Variants in SSH2 observed in about 807,000 individuals in gnomAD.
SSH2 encodes the protein protein phosphatase Slingshot homolog 2.
In SSH2, 37 loss-of-function variants were observed where a neutral mutation model predicts 135.2. That is an observed-to-expected ratio of 0.27 (90% CI 0.21 to 0.36). The LOEUF (loss-of-function observed/expected upper bound fraction) is 0.36, where lower values mean the gene tolerates loss of function less well. Among genes scored for constraint, SSH2 ranks in the 10% least tolerant of loss-of-function variants. The probability of loss-of-function intolerance (pLI) is 1.00; values close to 1 mark genes in which losing one functional copy is unlikely to be tolerated. For synonymous variants in SSH2, 628 were observed against 646.2 expected (o/e 0.97, Z 0.43); for missense variants, 1,408 against 1,765.3 (o/e 0.80, Z 3.63).
chr17:29,904,132 T>A (rs2066610278), intron 1 of SSH2, among the ~76,000 whole-genome samples: 1 of 152,056 alleles, frequency 6.6e-6, no homozygotes, highest in African/African-American at 2.4e-5. Flanking sequence ...AAGGAAAGAC[T>A]CCTCCTTAAT....
chr17:29,655,871 A>G (rs1281395568), intron 11 of SSH2, among the ~76,000 whole-genome samples: 1 of 152,146 alleles, frequency 6.6e-6, no homozygotes, highest in Non-Finnish European at 1.5e-5. Flanking sequence ...ACAGCAGGAG[A>G]GGTGTCTTTA....
Position 29,845,610 on chromosome 17 carries a change from T to C in SSH2, c.144+3239A>G, listed in dbSNP as rs563323874. ...ATACCCAACTAATTGTTTCTCTTTATTTTTTTTGGAGACAGAGTCTGACTC... is the reference window on the plus strand; with the variant it reads ...ATACCCAACTAATTGTTTCTCTTTACTTTTTTTGGAGACAGAGTCTGACTC... On this transcript the variant is annotated intron_variant, in intron 2 of 15. Transcript: ENST00000540801. Among the ~76,000 whole-genome samples the C allele has an allele frequency of 2.0e-5, 3 of 152,144 alleles. No homozygotes were observed. In the East Asian group the frequency reaches 5.8e-4, roughly 29 times the overall value.
At chr17:29,847,027 T>C (rs1442658106) in intron 2 of SSH2, among the ~76,000 whole-genome samples, 1 of 152,168 alleles carries the variant, frequency 6.6e-6, no homozygotes, top group East Asian at 1.9e-4. Context: ...CTTTTTAAAA[T>C]TTGTGAAGTA....
chr17:29,896,861 T>C (rs2066455190), intron 1 of SSH2, among the ~76,000 whole-genome samples: 1 of 151,994 alleles, frequency 6.6e-6, no homozygotes, highest in Non-Finnish European at 1.5e-5. Context: ...TAAATGAGAT[T>C]AACAGTTCTT....
At chr17:29,809,817 C>G (rs2042410349) in intron 2 of SSH2, among the ~76,000 whole-genome samples, 1 of 152,124 alleles carries the variant, frequency 6.6e-6, no homozygotes, top group Non-Finnish European at 1.5e-5. Flanking sequence ...CTCGGCCTCC[C>G]AAAGTGCTGG....
At chr17:29,889,161 A>G (rs1350295773) in intron 1 of SSH2, among the ~76,000 whole-genome samples, 2 of 151,928 alleles carry the variant, frequency 1.3e-5, no homozygotes, top group African/African-American at 4.8e-5. Context: ...AAACTGTCAG[A>G]AGAGTCTGGG....
intron 3 of SSH2, among the ~76,000 whole-genome samples, chr17:29,779,810 C>CAAAAAA (rs56789691): frequency 0.078 from 1,535 of 19,594 alleles, 456 homozygotes; most frequent in Non-Finnish European, 0.1. Flanking sequence ...GACTCTGTCT[C>CAAAAAA]AAAAAAAAAA....
rs773743555 is a variant in SSH2, at chr17:29,632,470, T to C, written c.2724A>G (p.Gln908=). The change falls in exon 16 of 16, where the codon CAA becomes CAG. Residue 908 remains glutamine (Q), a synonymous_variant. Coordinates refer to ENST00000540801, the MANE Select transcript of SSH2 (RefSeq NM_001282129.2). The part of the protein sequence containing the change: ...LEFEERLRQE[Q]EHHGAAPTCT... ...ATGTTGGGGCAGCACCATGATGCTC[T>C]TGCTCCTGCCGTAAGCGCTCTTCGA... is the stretch of plus-strand genomic sequence containing the variant. The C allele has an allele frequency of 3.7e-5, 59 of 1,614,214 alleles. No individual in the cohort carries two copies. Among genetic ancestry groups the C allele is most frequent in the Non-Finnish European group, 4.7e-5 (56 of 1,180,030 alleles).
intron 2 of SSH2, among the ~76,000 whole-genome samples, chr17:29,830,242 C>T (rs1487415399): frequency 6.6e-6 from 1 of 152,144 alleles, no homozygotes; most frequent in Non-Finnish European, 1.5e-5. Context: ...TTCTTTGTTC[C>T]AGCCTTACTG....
chr17:29,797,153 T>C (rs1005520666), intron 2 of SSH2, among the ~76,000 whole-genome samples: 13 of 151,702 alleles, frequency 8.6e-5, no homozygotes, highest in Non-Finnish European at 1.6e-4. Flanking sequence ...AAAATTTATA[T>C]ACAATGAAAT....
chr17:29,708,583 C>CT (rs2039303985), intron 3 of SSH2, among the ~76,000 whole-genome samples: 1 of 92,284 alleles, frequency 1.1e-5, no homozygotes, highest in Admixed American at 1.3e-4. Context: ...GAGGGGAACT[C>CT]TGCTTCAAAA....
At chr17:29,812,821 G>A (rs2042469226) in intron 2 of SSH2, among the ~76,000 whole-genome samples, 1 of 151,478 alleles carries the variant, frequency 6.6e-6, no homozygotes, top group Non-Finnish European at 1.5e-5. Context: ...ACCAGGAGAC[G>A]GAGCTTGCAG....
At chr17:29,732,705 C>T (rs961739954) in intron 3 of SSH2, among the ~76,000 whole-genome samples, 3 of 152,110 alleles carry the variant, frequency 2.0e-5, no homozygotes, top group Non-Finnish European at 4.4e-5. Flanking sequence ...AAGGAGGCTT[C>T]GGCTCATAGC....
chr17:29,807,832 C>CATT (rs2042373025), intron 2 of SSH2, among the ~76,000 whole-genome samples: 1 of 94,392 alleles, frequency 1.1e-5, no homozygotes. Context: ...GTTTTGATGG[C>CATT]TTTTTTTTTT....
chr17:29,697,669 C>G (rs2038810870), intron 4 of SSH2, among the ~76,000 whole-genome samples: 2 of 152,058 alleles, frequency 1.3e-5, no homozygotes, highest in East Asian at 3.9e-4. Context: ...AAAAACCAAA[C>G]AACTCCCCCA....
chr17:29,696,357 CTCA>C (rs1420897589), intron 4 of SSH2, among the ~76,000 whole-genome samples: 2 of 147,886 alleles, frequency 1.4e-5, no homozygotes, highest in African/African-American at 2.5e-5. Flanking sequence ...TATATATACT[CTCA>C]TAATATCCAT....
At chr17:29,811,051 G>A (rs746166585) in intron 2 of SSH2, among the ~76,000 whole-genome samples, 4 of 151,878 alleles carry the variant, frequency 2.6e-5, no homozygotes, top group South Asian at 2.1e-4. Flanking sequence ...GGTGGAGTGC[G>A]GTGGCACAAT....
At chr17:29,727,433 T>C (rs2040039948) in intron 3 of SSH2, among the ~76,000 whole-genome samples, 1 of 152,192 alleles carries the variant, frequency 6.6e-6, no homozygotes, top group Non-Finnish European at 1.5e-5. Context: ...AAAATATCTA[T>C]GAGAAGGCAG....
chr17:29,872,748 G>A (rs2065959489), intron 1 of SSH2, among the ~76,000 whole-genome samples: 1 of 152,332 alleles, frequency 6.6e-6, no homozygotes, highest in South Asian at 2.1e-4. Context: ...TGTAATTCCA[G>A]CACTTTGGGA....
Sources: allele counts gnomAD v4.1 joint callset (sites outside exome capture counted in the v4.1 genomes callset), GRCh38; gene constraint gnomAD v4.1.1; transcripts MANE v1.5; gene names NCBI Gene and HGNC (gene_info 2026-07-23, HGNC 2026-07-21).